IGF2BP3: variants seen among roughly 807,000 people sequenced by gnomAD.
The protein encoded by IGF2BP3 is insulin-like growth factor 2 mRNA-binding protein 3.
A neutral mutation model predicts 73.8 loss-of-function variants in IGF2BP3; 9 were observed. The observed-to-expected ratio is 0.12, with a 90% CI of 0.07 to 0.21. IGF2BP3 has a LOEUF of 0.21. Among genes scored for constraint, IGF2BP3 ranks in the 10% least tolerant of loss-of-function variants. The pLI is 1.00. For missense variants in IGF2BP3, 542 were observed against 714.0 expected, an observed-to-expected ratio of 0.76 and a Z score of 2.75; for synonymous variants, 258 against 256.7, an observed-to-expected ratio of 1.01 and a Z score of -0.05.
At chr7:23,446,105 T>A (rs1020409434) in intron 2 of IGF2BP3, among the ~76,000 whole-genome samples, 4 of 152,214 alleles carry the variant, frequency 2.6e-5, no homozygotes, top group African/African-American at 9.6e-5. Context: ...GCCTTCAGAA[T>A]ACCACCACGT....
At chr7:23,398,407 T>A (rs1056931137) in intron 3 of IGF2BP3, among the ~76,000 whole-genome samples, 3 of 152,210 alleles carry the variant, frequency 2.0e-5, no homozygotes, top group African/African-American at 7.2e-5. Flanking sequence ...GCATGATTTA[T>A]AATCCTTTGG....
At chr7:23,357,276 CT>C (rs201996068) in intron 5 of IGF2BP3, among the ~76,000 whole-genome samples, 7,575 of 143,532 alleles carry the variant, frequency 0.053, 284 homozygotes, top group South Asian at 0.11. Flanking sequence ...TAGTTTCTTT[CT>C]TTTTTTTTTT....
chr7:23,317,556 G>A, intron 12 of IGF2BP3, 83 bp downstream of exon 12: 1 of 943,880 alleles, frequency 1.1e-6, no homozygotes, highest in Non-Finnish European at 1.7e-6. Flanking sequence ...CTGAGATTTA[G>A]ACATATTTAA....
At chr7:23,313,680 T>C (rs756928927) in intron 12 of IGF2BP3, 27 bp from the exon 13 acceptor site, 1 of 1,606,744 alleles carries the variant, frequency 6.2e-7, no homozygotes. Flanking sequence ...ATCCTATTAG[T>C]GTCATTCATG....
chr7:23,341,067 C>T (rs1784698953), intron 10 of IGF2BP3, among the ~76,000 whole-genome samples: 1 of 152,004 alleles, frequency 6.6e-6, no homozygotes, highest in African/African-American at 2.4e-5. Flanking sequence ...CCAGGCTGGT[C>T]TTGAACTCCT....
chr7:23,456,022 T>C (rs1389491779), intron 2 of IGF2BP3, among the ~76,000 whole-genome samples: 5 of 152,120 alleles, frequency 3.3e-5, no homozygotes, highest in African/African-American at 9.7e-5. Flanking sequence ...AAACCTAGCA[T>C]AGAATCAACT....
At chr7:23,345,904 G>A in intron 8 of IGF2BP3, 36 bp downstream of exon 8, 1 of 1,603,584 alleles carries the variant, frequency 6.2e-7, no homozygotes, top group Non-Finnish European at 8.5e-7. Context: ...TACAGTGTTG[G>A]AAAGTTTTCT....
chr7:23,349,984 C>T (rs1428813161), intron 6 of IGF2BP3, among the ~76,000 whole-genome samples: 1 of 152,160 alleles, frequency 6.6e-6, no homozygotes, highest in Non-Finnish European at 1.5e-5. Flanking sequence ...TTTCCCACTC[C>T]TACATGATGA....
chr7:23,417,640 T>C (rs539092942), intron 3 of IGF2BP3, among the ~76,000 whole-genome samples: 8 of 152,296 alleles, frequency 5.3e-5, no homozygotes, highest in Admixed American at 2.6e-4. Context: ...AAAAAAATCA[T>C]ATTAAATTAC....
chr7:23,373,168 A>G (rs1785610684), intron 3 of IGF2BP3, among the ~76,000 whole-genome samples: 1 of 152,226 alleles, frequency 6.6e-6, no homozygotes, highest in African/African-American at 2.4e-5. Context: ...TCATGTTCCA[A>G]GTACTAAATA....
Position 23,469,828 on chromosome 7 carries a change from C to G in IGF2BP3, c.175+108G>C. On this transcript the variant is annotated intron_variant, in intron 1 of 14. Transcript: ENST00000258729. This position sits in a 1 kb window ranked among gnomAD's most constrained non-coding sequence, Gnocchi z 6.1. Reference sequence around the variant, plus strand: ...GGGTGTGGGCGCTCAGGCCTCACCCCCGCTCCCCCAGCGCGCCGGGCCTGG... The same window carrying G: ...GGGTGTGGGCGCTCAGGCCTCACCCGCGCTCCCCCAGCGCGCCGGGCCTGG... The G allele has an allele frequency of 1.5e-6, 1 of 658,434 alleles. No homozygotes were observed. The highest frequency in any genetic ancestry group is 2.1e-6 in the Non-Finnish European group (1 of 468,590). 40.8% of individuals were successfully genotyped at this position (658,434 alleles called of 1,614,324 possible).
intron 2 of IGF2BP3, among the ~76,000 whole-genome samples, chr7:23,426,464 T>C (rs1311953646): frequency 6.6e-6 from 1 of 152,184 alleles, no homozygotes; most frequent in Non-Finnish European, 1.5e-5. Flanking sequence ...ACAACTGGTA[T>C]GTTCAAATCA....
At chr7:23,323,777 T>C (rs1261421766) in intron 10 of IGF2BP3, among the ~76,000 whole-genome samples, 23 of 152,074 alleles carry the variant, frequency 1.5e-4, no homozygotes, top group African/African-American at 5.1e-4. Context: ...CACTCAAAAC[T>C]GCTCAACTAC....
At chr7:23,395,610 CA>C (rs1171740970) in intron 3 of IGF2BP3, among the ~76,000 whole-genome samples, 2 of 150,674 alleles carry the variant, frequency 1.3e-5, no homozygotes, top group African/African-American at 2.4e-5. Context: ...CCCACCCCCC[CA>C]AAAAAAGAAA....
chr7:23,448,108 T>C (rs950359580), intron 2 of IGF2BP3, among the ~76,000 whole-genome samples: 3 of 152,226 alleles, frequency 2.0e-5, no homozygotes, highest in African/African-American at 7.2e-5. Flanking sequence ...GACTCTCCAT[T>C]TGGTCATCCT....
chr7:23,355,853 A>G (rs547350311), intron 5 of IGF2BP3, among the ~76,000 whole-genome samples: 34 of 152,068 alleles, frequency 2.2e-4, no homozygotes, highest in African/African-American at 8.0e-4. Context: ...GAATTGCTTG[A>G]ATCTGGGAGG....
At chr7:23,404,294 AAGAT>A (rs778505801) in intron 3 of IGF2BP3, among the ~76,000 whole-genome samples, 14 of 152,224 alleles carry the variant, frequency 9.2e-5, no homozygotes, top group Non-Finnish European at 7.3e-5. Flanking sequence ...AAATGAGTGA[AAGAT>A]AGACACATCA....
chr7:23,431,397 T>TA (rs1045848670), intron 2 of IGF2BP3: 1 of 152,222 alleles, frequency 6.6e-6, no homozygotes, highest in African/African-American at 2.4e-5. Context: ...ATAGATTTTA[T>TA]AGTTTAGCAG....
chr7:23,331,721 G>A (rs1379128454), intron 10 of IGF2BP3, among the ~76,000 whole-genome samples: 18 of 152,118 alleles, frequency 1.2e-4, no homozygotes, highest in African/African-American at 2.6e-4. Flanking sequence ...TTAGCTGGGC[G>A]TGGTGGCGTG....
Sources: gnomAD v4.1 joint callset for allele counts (sites outside exome capture counted in the v4.1 genomes callset) on GRCh38, gnomAD v4.1.1 for gene constraint, Gnocchi (gnomAD v3.1) non-coding constraint, MANE v1.5 for transcripts, NCBI Gene and HGNC (gene_info 2026-07-23, HGNC 2026-07-21) for gene names.